AATF: variants seen among roughly 807,000 people sequenced by gnomAD.
AATF encodes protein AATF.
Under a neutral mutation model 63.7 loss-of-function variants are expected in AATF, and 48 were observed. That is an observed-to-expected ratio of 0.75 (90% CI 0.60 to 0.96). The LOEUF (loss-of-function observed/expected upper bound fraction) is 0.96. Ranked by LOEUF, AATF falls within the 40% of genes least tolerant of loss-of-function variation. The pLI is 0.00. For missense variants in AATF, 639 were observed against 685.7 expected, an observed-to-expected ratio of 0.93 and a Z score of 0.76; for synonymous variants, 258 against 247.7, an observed-to-expected ratio of 1.04 and a Z score of -0.39.
At chr17:36,974,392 A>G (rs568145401) in intron 4 of AATF, among the ~76,000 whole-genome samples, 26 of 152,244 alleles carry the variant, frequency 1.7e-4, no homozygotes, top group Admixed American at 5.2e-4. Flanking sequence ...TTATTGTTGG[A>G]CATTTGGATT....
intron 11 of AATF, among the ~76,000 whole-genome samples, chr17:37,043,768 G>A (rs201623668): frequency 6.6e-5 from 10 of 152,106 alleles, no homozygotes; most frequent in East Asian, 3.8e-4. Flanking sequence ...GCCCTCGCTC[G>A]TATGCAGTGC....
chr17:37,017,475 T>C (rs115097160), intron 8 of AATF, among the ~76,000 whole-genome samples: 309 of 152,266 alleles, frequency 2.0e-3, no homozygotes, highest in African/African-American at 7.1e-3. Context: ...CTGTGTCATA[T>C]GTCTGTGTAA....
rs1163393533 is a variant in AATF at position 37,003,471 on chromosome 17, CT to C, written c.1398+12639del. On this transcript the variant is annotated intron_variant, in intron 8 of 11. Transcript: ENST00000619387. Reference sequence around the variant, plus strand: ...AAGTCATTGGTGACCTTGACAAGAACTTTTTTTTTTTTTTTTTTTTTTTTTG... The same window carrying C: ...AAGTCATTGGTGACCTTGACAAGAACTTTTTTTTTTTTTTTTTTTTTTTTG... Among the ~76,000 whole-genome samples, 643 of 96,634 alleles carry C rather than the reference CT, an allele frequency of 6.7e-3. 1 individual carries two copies. Among genetic ancestry groups the C allele is most frequent in the South Asian group, 0.021 (64 of 3,016 alleles). 63.4% of individuals were successfully genotyped at this position (96,634 alleles called of 152,430 possible).
intron 8 of AATF, among the ~76,000 whole-genome samples, chr17:37,011,886 G>A (rs933883751): frequency 4.2e-4 from 64 of 152,138 alleles, no homozygotes; most frequent in African/African-American, 1.4e-3. Flanking sequence ...GAGTGAATGG[G>A]CAATGTGGAG....
rs896948750 is a variant in AATF, at chr17:37,024,775, A to G, written c.1547+3761A>G. ...GAAGTTTGAGACAAGCCTGGCCAAC[A>G]TGGTGAAACCCCGTCTCTACTAAAA... On this transcript the variant is annotated intron_variant, in intron 10 of 11. Coordinates refer to ENST00000619387, the MANE Select transcript of AATF (RefSeq NM_012138.4). Among the ~76,000 whole-genome samples the G allele has an allele frequency of 9.9e-5, 15 of 152,144 alleles. No homozygotes were observed. In the East Asian group the frequency reaches 2.1e-3, roughly 21 times the overall value.
Position 37,031,620 on chromosome 17 carries a change from T to G in AATF, c.1554T>G (p.His518Gln). The change falls in exon 11 of 12, where the codon CAT becomes CAG. Residue 518 changes from histidine to glutamine, a missense_variant. By Grantham distance (24) the His-to-Gln change is conservative. Transcript: ENST00000619387. ...TGCTTCCTGCTTTATTTAGGTTTCATGTCCTTAGCAAGCTACTGAGTTTCA... is the reference window on the plus strand; with the variant it reads ...TGCTTCCTGCTTTATTTAGGTTTCAGGTCCTTAGCAAGCTACTGAGTTTCA... ...KASKGRKLRF[H>Q]VLSKLLSFMA... 1 of 1,614,140 alleles carries G rather than the reference T, an allele frequency of 6.2e-7. No individual in the cohort carries two copies. The highest frequency in any genetic ancestry group is 1.1e-5 in the South Asian group (1 of 91,080).
chr17:37,032,783 TTAAAA>T (rs1273700845), intron 11 of AATF, among the ~76,000 whole-genome samples: 4 of 152,242 alleles, frequency 2.6e-5, no homozygotes, highest in Admixed American at 1.3e-4. Context: ...TTTCATGTCG[TTAAAA>T]TAATTAAAAT....
chr17:36,972,713 A>T (rs926694478), intron 4 of AATF, among the ~76,000 whole-genome samples: 5 of 151,048 alleles, frequency 3.3e-5, no homozygotes, highest in Non-Finnish European at 7.4e-5. Flanking sequence ...AGTGTAATAG[A>T]TGCATTTATC....
chr17:36,950,072 A>G, intron 1 of AATF, 142 bp from the exon 2 acceptor site: 1 of 888,456 alleles, frequency 1.1e-6, no homozygotes, highest in Non-Finnish European at 1.8e-6. Context: ...CTACTTTGGG[A>G]GAGAGTGAAT....
chr17:37,033,913 A>T (rs1462814489), intron 11 of AATF: 1 of 154,772 alleles, frequency 6.5e-6, no homozygotes, highest in Non-Finnish European at 1.5e-5. Flanking sequence ...AATTCCCTTC[A>T]GCAAACTTTT....
chr17:37,048,368 T>C (rs904638109), intron 11 of AATF, among the ~76,000 whole-genome samples: 9 of 139,732 alleles, frequency 6.4e-5, no homozygotes, highest in Admixed American at 1.4e-4. Context: ...CTTTTCTTTT[T>C]TTTTTTTTTT....
intron 4 of AATF, among the ~76,000 whole-genome samples, chr17:36,961,089 A>G (rs1313556095): frequency 6.6e-6 from 1 of 152,194 alleles, no homozygotes; most frequent in African/African-American, 2.4e-5. Flanking sequence ...TCATATAAGT[A>G]TGTACTATTT....
chr17:37,041,780 C>G (rs1419410693), intron 11 of AATF, among the ~76,000 whole-genome samples: 1 of 152,214 alleles, frequency 6.6e-6, no homozygotes, highest in Non-Finnish European at 1.5e-5. Context: ...GCTGGGATTA[C>G]AGGTGTGAGC....
chr17:37,010,007 G>A (rs1466891817), intron 8 of AATF, among the ~76,000 whole-genome samples: 5 of 152,074 alleles, frequency 3.3e-5, no homozygotes, highest in African/African-American at 1.2e-4. Flanking sequence ...CAAAAAACAG[G>A]TAGGTTTCTC....
chr17:36,991,302 T>C (rs1024395981), intron 8 of AATF, among the ~76,000 whole-genome samples: 1 of 152,196 alleles, frequency 6.6e-6, no homozygotes, highest in African/African-American at 2.4e-5. Context: ...TTAATGTCTT[T>C]TTGTGCCTGT....
Position 36,962,255 on chromosome 17 carries a change from T to G in AATF, c.832+8348T>G, listed in dbSNP as rs149693710. ...GAGAGTGAGTTCTGTGTAGGAAGAC[T>G]TTTTGTCCCTTTTGAGCTACTACTT... On this transcript the variant is annotated intron_variant, in intron 4 of 11. Coordinates refer to ENST00000619387, the MANE Select transcript of AATF (RefSeq NM_012138.4). Among the ~76,000 whole-genome samples, 780 of 152,348 alleles carry G rather than the reference T, an allele frequency of 5.1e-3. 2 individuals carry two copies. The highest frequency in any genetic ancestry group is 0.018 in the African/African-American group (746 of 41,576).
At chr17:37,048,457 G>A (rs530573002) in intron 11 of AATF, among the ~76,000 whole-genome samples, 4 of 131,172 alleles carry the variant, frequency 3.0e-5, no homozygotes, top group South Asian at 2.7e-4. Flanking sequence ...TGCAACCTCC[G>A]CCTCCCAGGT....
intron 8 of AATF, among the ~76,000 whole-genome samples, chr17:36,994,347 G>A (rs183243256): frequency 1.5e-4 from 23 of 152,294 alleles, no homozygotes; most frequent in Admixed American, 1.3e-3. Context: ...TTTTGTGTTA[G>A]AAAGTAATTT....
chr17:37,044,200 T>C (rs186354989), intron 11 of AATF, among the ~76,000 whole-genome samples: 9 of 152,368 alleles, frequency 5.9e-5, no homozygotes, highest in African/African-American at 2.2e-4. Context: ...TTCTTTAATA[T>C]ACTTTCCTCT....
Sources: allele counts gnomAD v4.1 joint callset (sites outside exome capture counted in the v4.1 genomes callset), GRCh38; gene constraint gnomAD v4.1.1; transcripts MANE v1.5; gene names NCBI Gene and HGNC (gene_info 2026-07-23, HGNC 2026-07-21).